FGF10: variants seen among roughly 807,000 people sequenced by gnomAD.
FGF10 encodes fibroblast growth factor 10.
In FGF10, 2 loss-of-function variants were observed where a neutral mutation model predicts 19.8. The observed-to-expected ratio is 0.10, with a 90% CI of 0.04 to 0.32. FGF10 has a LOEUF of 0.32. FGF10 is among the 10% of genes least tolerant of loss of function. The probability of loss-of-function intolerance (pLI) is 1.00; values close to 1 mark genes in which losing one functional copy is unlikely to be tolerated. For synonymous variants in FGF10, 112 were observed against 94.0 expected, an observed-to-expected ratio of 1.19 and a Z score of -1.10; for missense variants, 191 against 246.3, an observed-to-expected ratio of 0.78 and a Z score of 1.50.
Position 44,389,004 on chromosome 5 carries a change from T to C in FGF10, c.-322A>G. The C allele has an allele frequency of 2.1e-6, 1 of 481,596 alleles. No homozygotes were observed. The highest frequency in any genetic ancestry group is 5.7e-4 in the Middle Eastern group (1 of 1,760). The allele number at this position is 481,596 out of a possible 1,614,324, so 29.8% of individuals were successfully genotyped here. A position where few individuals can be genotyped will look rare whatever the true frequency, so the allele number is the denominator to read the frequency against. Reference sequence around the variant, plus strand: ...CAGCGCTCTTCGCTCCCCCAGGAGTTACTTTGTTCTCTTCTTTACTCCTTT... The same window carrying C: ...CAGCGCTCTTCGCTCCCCCAGGAGTCACTTTGTTCTCTTCTTTACTCCTTT... On this transcript the variant is annotated 5_prime_UTR_variant, in exon 1 of 3. An upstream open reading frame in the 5' UTR loses its in-frame stop. Coordinates refer to ENST00000264664, the MANE Select transcript of FGF10 (RefSeq NM_004465.2).
chr5:44,327,575 C>A (rs1740643327), intron 1 of FGF10, among the ~76,000 whole-genome samples: 1 of 152,180 alleles, frequency 6.6e-6, no homozygotes, highest in Non-Finnish European at 1.5e-5. Context: ...CTGCAAACAT[C>A]CAAATATAAA....
At chr5:44,385,893 C>T (rs750805291) in intron 1 of FGF10, among the ~76,000 whole-genome samples, 11 of 152,148 alleles carry the variant, frequency 7.2e-5, no homozygotes, top group Non-Finnish European at 1.0e-4. Context: ...CTAATTTTCA[C>T]TTGCTATGTT....
At chr5:44,361,904 CAA>C (rs1741490858) in intron 1 of FGF10, among the ~76,000 whole-genome samples, 2 of 151,682 alleles carry the variant, frequency 1.3e-5, no homozygotes, top group African/African-American at 4.8e-5. Flanking sequence ...CATATGGACA[CAA>C]AGTCACCTCC....
At chr5:44,365,843 T>A (rs751455247) in intron 1 of FGF10, among the ~76,000 whole-genome samples, 1 of 151,978 alleles carries the variant, frequency 6.6e-6, no homozygotes, top group African/African-American at 2.4e-5. Flanking sequence ...ATCTGGGCAA[T>A]AAGAGTCAGA....
At chr5:44,387,445 G>A (rs932911274) in intron 1 of FGF10, among the ~76,000 whole-genome samples, 1 of 152,148 alleles carries the variant, frequency 6.6e-6, no homozygotes, top group Non-Finnish European at 1.5e-5. Flanking sequence ...ATATAGCCAT[G>A]GAAACAGACT....
intron 1 of FGF10, among the ~76,000 whole-genome samples, chr5:44,360,221 T>C (rs1741449015): frequency 6.6e-6 from 1 of 151,640 alleles, no homozygotes; most frequent in Admixed American, 6.6e-5. Context: ...CTTAATCACA[T>C]CAGAAGAATC....
chr5:44,348,231 T>C lies in FGF10; in HGVS notation c.326-37701A>G, dbSNP rs1363496782. On this transcript the variant is annotated intron_variant, in intron 1 of 2. Coordinates refer to ENST00000264664, the MANE Select transcript of FGF10 (RefSeq NM_004465.2). The stretch of plus-strand genomic sequence containing the variant: ...TGTGCATATAAAGGTGGGTTAACAG[T>C]GAGTTATTAAAAATATAATTTGCTT... Among the ~76,000 whole-genome samples, 3 of 151,592 alleles carry C rather than the reference T, an allele frequency of 2.0e-5. No homozygotes were observed. The Admixed American group carries it at 2.0e-4, about 10-fold the overall frequency.
chr5:44,317,983 C>T (rs911512989), intron 1 of FGF10, among the ~76,000 whole-genome samples: 2 of 152,060 alleles, frequency 1.3e-5, no homozygotes, highest in Non-Finnish European at 2.9e-5. Flanking sequence ...ATGATTCTAT[C>T]GCTAGTTTTG....
At chr5:44,372,178 CA>C (rs1240133167) in intron 1 of FGF10, among the ~76,000 whole-genome samples, 3 of 152,134 alleles carry the variant, frequency 2.0e-5, no homozygotes, top group Non-Finnish European at 4.4e-5. Flanking sequence ...AGAAGCTCTC[CA>C]GGGGACAGCG....
In FGF10 at chr5:44,300,740, C is replaced by T. The variant is rs1000322725; in HGVS notation, c.*4255G>A. Reference sequence around the variant, plus strand: ...TGTCTCCTTGGTGTACTCTTCTTCACTAGTTGCGGTTGTGTGGGCTGCCAA... The same window carrying T: ...TGTCTCCTTGGTGTACTCTTCTTCATTAGTTGCGGTTGTGTGGGCTGCCAA... On this transcript the variant is annotated 3_prime_UTR_variant, in exon 3 of 3. Transcript: ENST00000264664. Among the ~76,000 whole-genome samples, 22 of 152,054 alleles carry T rather than the reference C, an allele frequency of 1.4e-4. No individual in the cohort carries two copies. Among genetic ancestry groups the T allele is most frequent in the African/African-American group, 4.8e-4 (20 of 41,500 alleles).
chr5:44,332,227 G>A (rs1456014355), intron 1 of FGF10, among the ~76,000 whole-genome samples: 1 of 152,082 alleles, frequency 6.6e-6, no homozygotes, highest in Admixed American at 6.6e-5. Context: ...GAAACAGCCA[G>A]TTAATGTCTA....
chr5:44,388,783 G>T lies in FGF10; in HGVS notation c.-101C>A. The T allele has an allele frequency of 2.5e-6, 3 of 1,213,848 alleles. No homozygotes were observed. Among genetic ancestry groups the T allele is most frequent in the Non-Finnish European group, 3.6e-6 (3 of 833,600 alleles). 75.2% of individuals were successfully genotyped at this position (1,213,848 alleles called of 1,614,324 possible). ...AAGGAGAGAGCTCGAGGTGGTGGCTGCTGGTTAGCTCCCTCTGGGCGCGGA... is the reference window on the plus strand; with the variant it reads ...AAGGAGAGAGCTCGAGGTGGTGGCTTCTGGTTAGCTCCCTCTGGGCGCGGA... On this transcript the variant is annotated 5_prime_UTR_variant, in exon 1 of 3. Coordinates refer to ENST00000264664, the MANE Select transcript of FGF10 (RefSeq NM_004465.2).
At chr5:44,386,781 T>C (rs1742107419) in intron 1 of FGF10, among the ~76,000 whole-genome samples, 2 of 152,178 alleles carry the variant, frequency 1.3e-5, no homozygotes, top group African/African-American at 4.8e-5. Flanking sequence ...ATTGTGAATT[T>C]TAGTAAATAG....
chr5:44,349,451 T>TCAGA (rs1330824805), intron 1 of FGF10, among the ~76,000 whole-genome samples: 463 of 16,658 alleles, frequency 0.028, 8 homozygotes, highest in South Asian at 0.16. Context: ...TATATATATA[T>TCAGA]ATATATATAT....
At chr5:44,313,733 A>C (rs1456965487) in intron 1 of FGF10, among the ~76,000 whole-genome samples, 1 of 152,058 alleles carries the variant, frequency 6.6e-6, no homozygotes, top group Non-Finnish European at 1.5e-5. Flanking sequence ...ATTTATATTA[A>C]GTTGTAACTA....
intron 1 of FGF10, among the ~76,000 whole-genome samples, chr5:44,361,616 T>C (rs1212124996): frequency 1.3e-5 from 2 of 151,668 alleles, no homozygotes; most frequent in Non-Finnish European, 3.0e-5. Flanking sequence ...ATAATAGCTC[T>C]GTTTAGGAGC....
At chr5:44,319,374 TA>T (rs1740428810) in intron 1 of FGF10, among the ~76,000 whole-genome samples, 1 of 152,194 alleles carries the variant, frequency 6.6e-6, no homozygotes, top group Admixed American at 6.6e-5. Flanking sequence ...TTAATATAAC[TA>T]ATTATAATAT....
At position 44,309,601 on chromosome 5, in the gene FGF10, T is replaced by A. The variant is rs571239423; in HGVS notation, c.429+826A>T. On this transcript the variant is annotated intron_variant, in intron 2 of 2. Transcript: ENST00000264664. ...ATCTGGCATATAGTAGATGTTGATATGATTGATTGATGCATTTTTTTCTAA... is the reference window on the plus strand; with the variant it reads ...ATCTGGCATATAGTAGATGTTGATAAGATTGATTGATGCATTTTTTTCTAA... Among the ~76,000 whole-genome samples, 6 of 152,296 alleles carry A rather than the reference T, an allele frequency of 3.9e-5. No homozygotes were observed. In the South Asian group the frequency reaches 6.2e-4, roughly 16 times the overall value.
At chr5:44,376,628 T>C (rs1579943541) in intron 1 of FGF10, among the ~76,000 whole-genome samples, 4 of 151,668 alleles carry the variant, frequency 2.6e-5, no homozygotes, top group African/African-American at 9.6e-5. Context: ...TTAAGAACTT[T>C]TGAAGTTCCA....
Sources: allele counts gnomAD v4.1 joint callset (sites outside exome capture counted in the v4.1 genomes callset), GRCh38; gene constraint gnomAD v4.1.1; transcripts MANE v1.5; gene names NCBI Gene and HGNC (gene_info 2026-07-23, HGNC 2026-07-21).